MYO1F: variants seen among roughly 807,000 people sequenced by gnomAD.
MYO1F encodes the protein myosin IF, also known as unconventional myosin-If.
Under a neutral mutation model 146.6 loss-of-function variants are expected in MYO1F, and 60 were observed. That is an observed-to-expected ratio of 0.41 (90% CI 0.33 to 0.51). MYO1F has a LOEUF of 0.51. Among genes scored for constraint, MYO1F ranks in the 20% least tolerant of loss-of-function variants. The probability of loss-of-function intolerance (pLI) is 0.25; values close to 1 mark genes in which losing one functional copy is unlikely to be tolerated. For missense variants in MYO1F, 1,274 were observed against 1,534.3 expected, an observed-to-expected ratio of 0.83 and a Z score of 2.83; for synonymous variants, 602 against 602.1, an observed-to-expected ratio of 1.00 and a Z score of 0.00.
At chr19:8,523,407 A>G (rs911237088) in intron 25 of MYO1F, among the ~76,000 whole-genome samples, 5 of 152,016 alleles carry the variant, frequency 3.3e-5, no homozygotes, top group Admixed American at 2.0e-4. Context: ...CAGTGGTACA[A>G]TCGTAGCTCA....
chr19:8,544,677 G>A (rs1358481230), intron 13 of MYO1F, among the ~76,000 whole-genome samples: 2 of 151,962 alleles, frequency 1.3e-5, no homozygotes, highest in African/African-American at 4.8e-5. Context: ...GGTGTGTGGG[G>A]CTACTGTGGA....
In MYO1F at chr19:8,574,645, CCTT is replaced by C. The variant is rs2042195757; in HGVS notation, c.3+2659_3+2661del. On this transcript the variant is annotated intron_variant, in intron 1 of 27. Transcript: ENST00000644032. ...TCTTTCTTTCTTTCTTTCTTTCTTT[CCTT>C]TCTTTCTCTTTCTTCTTTCTCTCTT... is the stretch of plus-strand genomic sequence containing the variant. 6.8e-4 allele frequency among the ~76,000 whole-genome samples: 29 copies of C among 42,544 alleles called. No individual in the cohort carries two copies. The East Asian group carries it at 0.012, about 18-fold the overall frequency. The allele number at this position is 42,544 out of a possible 152,430, so 27.9% of individuals were successfully genotyped here.
In MYO1F at chr19:8,526,586, C is replaced by T. The variant is rs754744275; in HGVS notation, c.2637G>A (p.Val879=). Residue 879 remains valine, a synonymous_variant, in exon 24 of 28, where the codon GTG becomes GTA. Coordinates refer to ENST00000644032, the MANE Select transcript of MYO1F (RefSeq NM_012335.4). ...CGCCACCGCCCCAGCCCTCCTTCTT[C>T]ACCCGAAACTGTAGTCTATGGGGAG... ...LTFSDTLQFR[V]KKEGWGGGGT... 15 of 1,597,090 alleles carry T rather than the reference C, an allele frequency of 9.4e-6. No homozygotes were observed. Among genetic ancestry groups the T allele is most frequent in the Non-Finnish European group, 1.3e-5 (15 of 1,174,058 alleles).
intron 19 of MYO1F, among the ~76,000 whole-genome samples, chr19:8,532,568 T>C (rs1367630258): frequency 2.6e-5 from 4 of 152,024 alleles, no homozygotes; most frequent in Non-Finnish European, 5.9e-5. Flanking sequence ...AGGGACAATA[T>C]TGTCAATTAG....
chr19:8,526,692 CG>C, intron 23 of MYO1F, 91 bp from the exon 24 acceptor site: 1 of 1,532,798 alleles, frequency 6.5e-7, no homozygotes, highest in Non-Finnish European at 8.8e-7. Flanking sequence ...GGGCCGCGGC[CG>C]GGGCCGAAGC....
Position 8,552,016 on chromosome 19 carries a change from C to T in MYO1F, c.636+17G>A, listed in dbSNP as rs934663041. The T allele has an allele frequency of 1.9e-5, 31 of 1,613,830 alleles. No homozygotes were observed. Among genetic ancestry groups the T allele is most frequent in the Middle Eastern group, 1.6e-4 (1 of 6,084 alleles). On this transcript the variant is annotated intron_variant, in intron 7 of 27. Coordinates refer to ENST00000644032, the MANE Select transcript of MYO1F (RefSeq NM_012335.4). The stretch of plus-strand genomic sequence containing the variant: ...GCTCCAGGTGGTGCTCCCTCTCCCC[C>T]GGCCCCTTCCCTGCACCTGGTAGTA...
Position 8,520,960 on chromosome 19 carries a change from T to G in MYO1F, c.*568A>C, listed in dbSNP as rs1440307835. ...CAAATTCAAGCTTTATGGTCACATA[T>G]GAATGCAAGGCATGGCTCTGTGCAG... On this transcript the variant is annotated 3_prime_UTR_variant, in exon 28 of 28. Transcript: ENST00000644032. 1.1e-5 allele frequency: 2 copies of G among 176,804 alleles called. No individual in the cohort carries two copies. Among genetic ancestry groups the G allele is most frequent in the Non-Finnish European group, 2.4e-5 (2 of 81,968 alleles). The allele number at this position is 176,804 out of a possible 1,614,324, so 11.0% of individuals were successfully genotyped here.
intron 2 of MYO1F, 93 bp from the exon 3 acceptor site, chr19:8,554,836 A>T (rs1209693542): frequency 8.5e-7 from 1 of 1,176,660 alleles, no homozygotes; most frequent in Non-Finnish European, 1.3e-6. Context: ...CTAAAACTCC[A>T]TTGCTTGGAG....
At chr19:8,532,901 A>AAAAAAATATATAT (rs1172873322) in intron 19 of MYO1F, among the ~76,000 whole-genome samples, 6 of 47,826 alleles carry the variant, frequency 1.3e-4, no homozygotes, top group Admixed American at 2.4e-4. Flanking sequence ...AAAAAAAAAA[A>AAAAAAATATATAT]ATACACACAC....
At chr19:8,560,494 G>GAAAA (rs5827003) in intron 1 of MYO1F, among the ~76,000 whole-genome samples, 1 of 145,124 alleles carries the variant, frequency 6.9e-6, no homozygotes, top group African/African-American at 2.6e-5. Context: ...TTAAAAAAAG[G>GAAAA]AAAAAAAAAA....
In MYO1F at chr19:8,526,588, C is replaced by G; in HGVS notation, c.2635G>C (p.Val879Leu). The G allele has an allele frequency of 6.3e-7, 1 of 1,596,924 alleles. No individual in the cohort carries two copies. The highest frequency in any genetic ancestry group is 8.5e-7 in the Non-Finnish European group (1 of 1,173,944). ...LTFSDTLQFRVKKEGWGGGGT... is the reference protein window; with the variant it reads ...LTFSDTLQFRLKKEGWGGGGT... ...CCACCGCCCCAGCCCTCCTTCTTCA[C>G]CCGAAACTGTAGTCTATGGGGAGAG... Residue 879 changes from valine to leucine, a missense_variant, in exon 24 of 28, where the codon GTG becomes CTG. Val to Leu is a conservative substitution (Grantham distance 32). This residue lies in a region of MYO1F where 374 missense variants were observed against 379.2 expected (regional missense o/e 0.99). Transcript: ENST00000644032.
chr19:8,532,584 A>G (rs1972526754), intron 19 of MYO1F, among the ~76,000 whole-genome samples: 2 of 152,118 alleles, frequency 1.3e-5, no homozygotes, highest in Admixed American at 1.3e-4. Context: ...ATTAGTGAAG[A>G]TGGGAAATAA....
In MYO1F at chr19:8,539,976, G is replaced by A. The variant is rs375221696; in HGVS notation, c.1663C>T (p.Arg555Cys). The A allele has an allele frequency of 1.6e-5, 26 of 1,612,222 alleles. No individual in the cohort carries two copies. The highest frequency in any genetic ancestry group is 2.1e-5 in the Non-Finnish European group (25 of 1,179,032). Residue 555 changes from arginine (R) to cysteine (C), a missense_variant, in exon 16 of 28, where the codon CGC becomes TGC. Physicochemically the swap from Arg to Cys is radical, Grantham distance 180. This residue lies in a region of MYO1F where 900 missense variants were observed against 1,155.1 expected (regional missense o/e 0.78). Transcript: ENST00000644032. ...PEKLDGDKKG[R>C]PSTAGSKIKK... is the part of the protein sequence containing the mutation. ...ATCTTGGAGCCGGCGGTGCTGGGGCGCCCCTTCTTGTCTCCATCCAGCTTC... is the reference window on the plus strand; with the variant it reads ...ATCTTGGAGCCGGCGGTGCTGGGGCACCCCTTCTTGTCTCCATCCAGCTTC...
At position 8,530,588 on chromosome 19, in the gene MYO1F, T is replaced by TGGG. The variant is rs780667806; in HGVS notation, c.2044-18_2044-16dup. On this transcript the variant is annotated splice_polypyrimidine_tract_variant and intron_variant, in intron 19 of 27. Transcript: ENST00000644032. This position sits in a 1 kb window ranked among gnomAD's most constrained non-coding sequence, Gnocchi z 5.8. ...AGGAGGAAAAGCTGGGCGGGGGTCG[T>TGGG]GGGGGGCAAGGGTGAGTCCTGGTGT... 6.2e-7 allele frequency: 1 copy of TGGG among 1,601,500 alleles called. No homozygotes were observed. The highest frequency in any genetic ancestry group is 1.1e-5 in the South Asian group (1 of 90,944).
intron 5 of MYO1F, 42 bp downstream of exon 5, chr19:8,553,308 G>T: frequency 6.2e-7 from 1 of 1,611,904 alleles, no homozygotes; most frequent in Non-Finnish European, 8.5e-7. Flanking sequence ...TACCATGCAG[G>T]TGAGGGCGAC....
chr19:8,524,884 T>G (rs1465949346), intron 25 of MYO1F, among the ~76,000 whole-genome samples: 1 of 152,028 alleles, frequency 6.6e-6, no homozygotes, highest in African/African-American at 2.4e-5. Context: ...AGAATAAATT[T>G]TGTGAATTGG....
chr19:8,561,558 CCCT>C (rs1362365044), intron 1 of MYO1F, among the ~76,000 whole-genome samples: 1 of 140,494 alleles, frequency 7.1e-6, no homozygotes, highest in Non-Finnish European at 1.5e-5. Flanking sequence ...TCCCTCCCTC[CCCT>C]CCTCTCCCTC....
chr19:8,559,118 G>A (rs2145940514), intron 1 of MYO1F, among the ~76,000 whole-genome samples: 1 of 151,928 alleles, frequency 6.6e-6, no homozygotes, highest in South Asian at 2.1e-4. Context: ...GAGTTCAAGC[G>A]ACCTTCCTGC....
chr19:8,524,118 C>CAAA (rs746455069), intron 25 of MYO1F, among the ~76,000 whole-genome samples: 484 of 45,562 alleles, frequency 0.011, 24 homozygotes, highest in Non-Finnish European at 0.012. Context: ...GACACCGTCT[C>CAAA]AAAAAAAAAA....
Sources: allele counts gnomAD v4.1 joint callset (sites outside exome capture counted in the v4.1 genomes callset), GRCh38; gene constraint gnomAD v4.1.1; regional missense constraint gnomAD v4.1.1; non-coding constraint Gnocchi (gnomAD v3.1); transcripts MANE v1.5; gene names NCBI Gene and HGNC (gene_info 2026-07-23, HGNC 2026-07-21).